Variants in RGS6 observed in about 807,000 individuals in gnomAD.
The protein encoded by RGS6 is regulator of G-protein signaling 6.
Under a neutral mutation model 78.5 loss-of-function variants are expected in RGS6, and 30 were observed. That is an observed-to-expected ratio of 0.38 (90% CI 0.29 to 0.52). The LOEUF is 0.52. Among genes scored for constraint, RGS6 ranks in the 20% least tolerant of loss-of-function variants. RGS6 has a pLI of 0.85. For missense variants in RGS6, 495 were observed against 609.7 expected, an observed-to-expected ratio of 0.81 and a Z score of 1.98; for synonymous variants, 206 against 206.0, an observed-to-expected ratio of 1.00 and a Z score of 0.00.
chr14:72,377,596 T>C (rs988125483), intron 3 of RGS6, among the ~76,000 whole-genome samples: 3 of 152,182 alleles, frequency 2.0e-5, no homozygotes, highest in African/African-American at 7.2e-5. Context: ...CTGCAGAATA[T>C]GCATTTTTTT....
chr14:72,242,846 T>C (rs1047949762), intron 2 of RGS6, among the ~76,000 whole-genome samples: 2,526 of 126,934 alleles, frequency 0.02, 35 homozygotes, highest in African/African-American at 0.034. Context: ...TTTCTTTTTT[T>C]TTTTTTTTTT....
rs35022655 is a variant in RGS6, at chr14:72,214,177, ATTT to A, written c.85-137903_85-137901del. Among the ~76,000 whole-genome samples, 1,012 of 131,196 alleles carry A rather than the reference ATTT, an allele frequency of 7.7e-3. 10 individuals carry two copies. Among genetic ancestry groups the A allele is most frequent in the African/African-American group, 0.027 (959 of 36,078 alleles). The allele number at this position is 131,196 out of a possible 152,430, so 86.1% of individuals were successfully genotyped here. ...AAAAAACTACACTGTTTATTTTCTT[ATTT>A]TTTTTTTTTTTTTTCACTGGGGTCT... On this transcript the variant is annotated intron_variant, in intron 2 of 17. Coordinates refer to ENST00000553525, the MANE Select transcript of RGS6 (RefSeq NM_001204424.2).
chr14:72,368,257 C>T (rs898767501), intron 3 of RGS6, among the ~76,000 whole-genome samples: 2 of 152,112 alleles, frequency 1.3e-5, no homozygotes, highest in African/African-American at 4.8e-5. Flanking sequence ...GGAACCCACT[C>T]CTTGGATAGC....
chr14:72,473,245 C>T (rs921821357), intron 9 of RGS6, among the ~76,000 whole-genome samples: 10 of 152,332 alleles, frequency 6.6e-5, no homozygotes, highest in African/African-American at 1.2e-4. Context: ...CGATCAAGAC[C>T]ATCCTGGCTA....
intron 17 of RGS6, chr14:72,550,450 A>G: frequency 2.0e-6 from 3 of 1,535,114 alleles, no homozygotes; most frequent in Non-Finnish European, 2.6e-6. Context: ...CCCCGTGCCT[A>G]ACAGGAAAAG....
intron 2 of RGS6, among the ~76,000 whole-genome samples, chr14:72,301,175 A>G (rs1367322710): frequency 6.6e-6 from 1 of 152,198 alleles, no homozygotes; most frequent in Admixed American, 6.5e-5. Context: ...ATCAACATGT[A>G]CCGAGCAGGG....
At chr14:72,526,905 A>G (rs2097127136) in intron 15 of RGS6, among the ~76,000 whole-genome samples, 1 of 152,164 alleles carries the variant, frequency 6.6e-6, no homozygotes, top group South Asian at 2.1e-4. Flanking sequence ...AGAAAAGCTC[A>G]TTTTCCCTAG....
intron 2 of RGS6, among the ~76,000 whole-genome samples, chr14:72,290,284 C>T (rs1472385266): frequency 1.3e-5 from 2 of 152,202 alleles, no homozygotes; most frequent in Non-Finnish European, 1.5e-5. Flanking sequence ...TGACATCCTT[C>T]CCATTTTCAT....
chr14:71,952,065 TA>T (rs1280689959), intron 1 of RGS6, among the ~76,000 whole-genome samples: 1 of 152,184 alleles, frequency 6.6e-6, no homozygotes, highest in Non-Finnish European at 1.5e-5. Flanking sequence ...AAATTACTTG[TA>T]AAAGAGTTAT....
At chr14:72,265,514 G>A (rs1347843634) in intron 2 of RGS6, among the ~76,000 whole-genome samples, 1 of 152,156 alleles carries the variant, frequency 6.6e-6, no homozygotes, top group African/African-American at 2.4e-5. Context: ...GTGACAGGCT[G>A]CTTGATCTCA....
chr14:72,203,151 A>G (rs1407763429), intron 2 of RGS6, among the ~76,000 whole-genome samples: 1 of 152,156 alleles, frequency 6.6e-6, no homozygotes, highest in Non-Finnish European at 1.5e-5. Context: ...CTGGGATTAT[A>G]GGCGTGAGCC....
At chr14:72,039,271 T>G (rs1410922145) in intron 2 of RGS6, among the ~76,000 whole-genome samples, 1 of 152,194 alleles carries the variant, frequency 6.6e-6, no homozygotes, top group Non-Finnish European at 1.5e-5. Context: ...GGTCTTGTCC[T>G]TGTCCTGTAC....
At chr14:72,116,186 T>C (rs1384963954) in intron 2 of RGS6, among the ~76,000 whole-genome samples, 2 of 152,128 alleles carry the variant, frequency 1.3e-5, no homozygotes, top group Admixed American at 6.5e-5. Flanking sequence ...AATATTGACA[T>C]AGGATGATCT....
intron 3 of RGS6, among the ~76,000 whole-genome samples, chr14:72,414,296 T>C (rs1464818284): frequency 6.6e-6 from 1 of 152,218 alleles, no homozygotes; most frequent in Non-Finnish European, 1.5e-5. Flanking sequence ...ACTTCTCTTC[T>C]CGCTTCATTT....
At chr14:72,129,368 T>C (rs1167034199) in intron 2 of RGS6, among the ~76,000 whole-genome samples, 7 of 152,226 alleles carry the variant, frequency 4.6e-5, no homozygotes, top group African/African-American at 1.7e-4. Context: ...AATATTTGTT[T>C]AATGAATAAA....
At chr14:72,426,746 G>A (rs1283586582) in intron 3 of RGS6, among the ~76,000 whole-genome samples, 1 of 152,126 alleles carries the variant, frequency 6.6e-6, no homozygotes, top group Non-Finnish European at 1.5e-5. Flanking sequence ...TTTCCACATG[G>A]GTGGCATGGG....
At chr14:72,232,910 C>A (rs1600064808) in intron 2 of RGS6, among the ~76,000 whole-genome samples, 1 of 152,154 alleles carries the variant, frequency 6.6e-6, no homozygotes, top group African/African-American at 2.4e-5. Flanking sequence ...GTGCATGCAG[C>A]CTGTACGCTT....
chr14:72,541,873 C>G (rs1047599587), intron 17 of RGS6, among the ~76,000 whole-genome samples: 7 of 152,176 alleles, frequency 4.6e-5, no homozygotes, highest in African/African-American at 1.7e-4. Flanking sequence ...CAAGAATGGT[C>G]TCGCGAAGCT....
chr14:72,419,298 C>T (rs550020991), intron 3 of RGS6, among the ~76,000 whole-genome samples: 2 of 152,318 alleles, frequency 1.3e-5, no homozygotes, highest in East Asian at 3.9e-4. Flanking sequence ...TTTATCTGCA[C>T]GGCAGCTGTA....
Sources: allele counts gnomAD v4.1 joint callset (sites outside exome capture counted in the v4.1 genomes callset), GRCh38; gene constraint gnomAD v4.1.1; transcripts MANE v1.5; gene names NCBI Gene and HGNC (gene_info 2026-07-23, HGNC 2026-07-21).